The following LHCGR variants were observed in gnomAD, a reference collection of about 807,000 sequenced individuals.
LHCGR encodes luteinizing hormone/choriogonadotropin receptor.
A neutral mutation model predicts 60.7 loss-of-function variants in LHCGR; 55 were observed. The observed-to-expected ratio is 0.91, with a 90% CI of 0.73 to 1.13. LHCGR has a LOEUF of 1.13. Ranked by LOEUF, LHCGR falls within the 50% of genes most tolerant of loss-of-function variation. LHCGR has a pLI of 0.00. For synonymous variants in LHCGR, 337 were observed against 316.5 expected, an observed-to-expected ratio of 1.06 and a Z score of -0.69; for missense variants, 862 against 836.0, an observed-to-expected ratio of 1.03 and a Z score of -0.38.
In LHCGR at chr2:48,749,347, G is replaced by A. The variant is rs1669851967; in HGVS notation, c.161+6164C>T. Among the ~76,000 whole-genome samples the A allele has an allele frequency of 2.0e-5, 3 of 152,046 alleles. No individual in the cohort carries two copies. In the South Asian group the frequency reaches 6.2e-4, roughly 32 times the overall value. On this transcript the variant is annotated intron_variant, in intron 1 of 10. Transcript: ENST00000294954. ...GGGATTATTTTAATTCCTTTCATAA[G>A]AAAAAAAGCTGGGTGGGAATTTGCT... is the stretch of plus-strand genomic sequence containing the variant.
At chr2:48,722,490 G>C (rs1668543459) in intron 6 of LHCGR, among the ~76,000 whole-genome samples, 1 of 152,168 alleles carries the variant, frequency 6.6e-6, no homozygotes, top group South Asian at 2.1e-4. Flanking sequence ...TGGATCATGG[G>C]GGTGGTTTCT....
intron 6 of LHCGR, chr2:48,721,680 T>C (rs1668504955): frequency 2.1e-6 from 1 of 470,820 alleles, no homozygotes; most frequent in East Asian, 6.9e-5. Flanking sequence ...TTCTTTTGCT[T>C]CACATCTATC....
rs2104348598 is a variant in LHCGR, at chr2:48,686,982, C to T, written c.*715G>A. ...CTCACGAGGAGTTTACAGTCTACAG[C>T]TTAATGTTTCACTAAGCAAATAGGC... is the stretch of plus-strand genomic sequence containing the variant. On this transcript the variant is annotated 3_prime_UTR_variant, in exon 11 of 11. Transcript: ENST00000294954. 6.6e-6 allele frequency: 1 copy of T among 152,290 alleles called. No individual in the cohort carries two copies. The highest frequency in any genetic ancestry group is 1.5e-5 in the Non-Finnish European group (1 of 68,036). 9.4% of individuals were successfully genotyped at this position (152,290 alleles called of 1,614,324 possible).
intron 7 of LHCGR, 24 bp downstream of exon 7, chr2:48,713,962 C>G: frequency 1.3e-6 from 2 of 1,531,746 alleles, no homozygotes; most frequent in Non-Finnish European, 1.8e-6. Flanking sequence ...TATTCCTGAG[C>G]TGGGGAAATA....
chr2:48,700,579 C>T lies in LHCGR; in HGVS notation c.681-1779G>A, dbSNP rs897494377. On this transcript the variant is annotated intron_variant, in intron 8 of 10. Transcript: ENST00000294954. The stretch of plus-strand genomic sequence containing the variant: ...CACAGTGGGTTGGTTGTGTTTTGCA[C>T]CTGAGCCAGAGGCAGCTCTCTTTGT... Among the ~76,000 whole-genome samples, 19 of 152,158 alleles carry T rather than the reference C, an allele frequency of 1.2e-4. 1 individual carries two copies. The highest frequency in any genetic ancestry group is 4.6e-4 in the African/African-American group (19 of 41,438).
At chr2:48,714,656 A>T (rs1668155416) in intron 6 of LHCGR, among the ~76,000 whole-genome samples, 1 of 152,194 alleles carries the variant, frequency 6.6e-6, no homozygotes. Context: ...AAAAATAAAA[A>T]GTATTAGAGC....
chr2:48,699,988 C>G (rs531201249), intron 8 of LHCGR, among the ~76,000 whole-genome samples: 2 of 152,314 alleles, frequency 1.3e-5, no homozygotes, highest in Admixed American at 6.5e-5. Context: ...TGGTGTTCAG[C>G]ACATGGGAGG....
chr2:48,699,482 A>G (rs1193956670), intron 8 of LHCGR, among the ~76,000 whole-genome samples: 2 of 152,114 alleles, frequency 1.3e-5, no homozygotes, highest in African/African-American at 2.4e-5. Context: ...CAGCCAGCAC[A>G]TGCAGTTACA....
At chr2:48,712,715 C>T (rs1432907175) in intron 7 of LHCGR, among the ~76,000 whole-genome samples, 1 of 150,964 alleles carries the variant, frequency 6.6e-6, no homozygotes, top group Non-Finnish European at 1.5e-5. Flanking sequence ...AATAAATAAG[C>T]ACCTACTCTA....
chr2:48,708,627 A>G (rs1667820166), intron 8 of LHCGR: 2 of 485,074 alleles, frequency 4.1e-6, no homozygotes, highest in Non-Finnish European at 7.5e-6. Flanking sequence ...TGCCACAACC[A>G]GAAAGAACTA....
rs546560094 is a variant in LHCGR, at chr2:48,702,039, T to C, written c.681-3239A>G. Among the ~76,000 whole-genome samples, 5 of 152,192 alleles carry C rather than the reference T, an allele frequency of 3.3e-5. No individual in the cohort carries two copies. In the East Asian group the frequency reaches 9.6e-4, roughly 29 times the overall value. On this transcript the variant is annotated intron_variant, in intron 8 of 10. Coordinates refer to ENST00000294954, the MANE Select transcript of LHCGR (RefSeq NM_000233.4). Reference sequence around the variant, plus strand: ...CAGGATAGGTTCAATCAATGTTTGTTGAATAAATAACATCTGCTAGAGTAG... The same window carrying C: ...CAGGATAGGTTCAATCAATGTTTGTCGAATAAATAACATCTGCTAGAGTAG...
intron 1 of LHCGR, among the ~76,000 whole-genome samples, chr2:48,736,203 C>A (rs1669199882): frequency 6.6e-6 from 1 of 152,094 alleles, no homozygotes. Flanking sequence ...AATACACAGA[C>A]CAAGATTGCT....
In LHCGR at chr2:48,729,148, C is replaced by T; in HGVS notation, c.308+5G>A. ...GCAGTAAACTGTCTGTTAGCTGATG[C>T]TTACATTTCAGACAAATTGAGGAGG... On this transcript the variant is annotated splice_donor_5th_base_variant and intron_variant, in intron 3 of 10. Coordinates refer to ENST00000294954, the MANE Select transcript of LHCGR (RefSeq NM_000233.4). 4 of 1,604,762 alleles carry T rather than the reference C, an allele frequency of 2.5e-6. No individual in the cohort carries two copies. The highest frequency in any genetic ancestry group is 3.4e-6 in the Non-Finnish European group (4 of 1,172,078).
At chr2:48,751,458 C>A (rs1033696532) in intron 1 of LHCGR, among the ~76,000 whole-genome samples, 1 of 152,226 alleles carries the variant, frequency 6.6e-6, no homozygotes, top group South Asian at 2.1e-4. Context: ...AGCTTCTTAA[C>A]ACTTGGCCCA....
At chr2:48,703,742 C>T (rs1241484168) in intron 8 of LHCGR, among the ~76,000 whole-genome samples, 1 of 152,146 alleles carries the variant, frequency 6.6e-6, no homozygotes, top group Non-Finnish European at 1.5e-5. Flanking sequence ...GATCTTGTAT[C>T]CCAAGACTTC....
Position 48,714,675 on chromosome 2 carries a change from A to G in LHCGR, c.537-621T>C, listed in dbSNP as rs116329600. On this transcript the variant is annotated intron_variant, in intron 6 of 10. Coordinates refer to ENST00000294954, the MANE Select transcript of LHCGR (RefSeq NM_000233.4). Reference sequence around the variant, plus strand: ...ATAAAAAGTATTAGAGCATTTTGCAAGTGATTAGGGTATTAATGTTTATGA... The same window carrying G: ...ATAAAAAGTATTAGAGCATTTTGCAGGTGATTAGGGTATTAATGTTTATGA... Among the ~76,000 whole-genome samples, 678 of 152,292 alleles carry G rather than the reference A, an allele frequency of 4.5e-3. 9 individuals carry two copies. Among genetic ancestry groups the G allele is most frequent in the African/African-American group, 0.015 (644 of 41,560 alleles).
intron 8 of LHCGR, among the ~76,000 whole-genome samples, chr2:48,706,174 A>C (rs1208895502): frequency 6.6e-6 from 1 of 152,234 alleles, no homozygotes; most frequent in East Asian, 1.9e-4. Flanking sequence ...GCTGGATATG[A>C]AATTCTGTGT....
intron 1 of LHCGR, among the ~76,000 whole-genome samples, chr2:48,739,762 T>G (rs1373878252): frequency 1.3e-5 from 2 of 151,970 alleles, no homozygotes; most frequent in African/African-American, 2.4e-5. Flanking sequence ...TGTATACATA[T>G]GTAACAAACC....
At chr2:48,723,391 C>T (rs956804849) in intron 6 of LHCGR, 65 bp downstream of exon 6, 13 of 1,143,924 alleles carry the variant, frequency 1.1e-5, no homozygotes, top group Non-Finnish European at 1.6e-5. Flanking sequence ...AAAAGCTCAC[C>T]CCAACCTAGT....
Sources: allele counts gnomAD v4.1 joint callset (sites outside exome capture counted in the v4.1 genomes callset), GRCh38; gene constraint gnomAD v4.1.1; transcripts MANE v1.5; gene names NCBI Gene and HGNC (gene_info 2026-07-23, HGNC 2026-07-21).